Variants in IFT46 observed in about 807,000 individuals in gnomAD.
IFT46 encodes intraflagellar transport protein 46 homolog.
In IFT46, 19 loss-of-function variants were observed where a neutral mutation model predicts 39.6. The observed-to-expected ratio is 0.48, with a 90% CI of 0.33 to 0.70. The LOEUF is 0.70. Among genes scored for constraint, IFT46 ranks in the 30% least tolerant of loss-of-function variants. IFT46 has a pLI of 0.01. For synonymous variants in IFT46, 117 were observed against 134.8 expected (o/e 0.87, Z 0.91); for missense variants, 334 against 364.8 (o/e 0.92, Z 0.69).
intron 9 of IFT46, among the ~76,000 whole-genome samples, chr11:118,547,594 T>C (rs1328359962): frequency 6.8e-6 from 1 of 147,006 alleles, no homozygotes. Context: ...AATTTTTTTG[T>C]GTTTTCAATA....
At chr11:118,555,640 G>A (rs1297894125) in intron 4 of IFT46, 2 of 245,862 alleles carry the variant, frequency 8.1e-6, no homozygotes, top group African/African-American at 4.6e-5. Context: ...GAGATTTTAG[G>A]GCTGGGCGTG....
intron 2 of IFT46, among the ~76,000 whole-genome samples, chr11:118,563,130 A>G (rs1938118397): frequency 6.6e-6 from 1 of 152,196 alleles, no homozygotes; most frequent in South Asian, 2.1e-4. Context: ...GAAAGTCTAC[A>G]TTCAACAACA....
chr11:118,576,447 AAAC>A (rs1194586273), upstream of IFT46, among the ~76,000 whole-genome samples: 13 of 148,598 alleles, frequency 8.7e-5, no homozygotes, highest in African/African-American at 3.2e-4. Context: ...AAAAAAAAAA[AAAC>A]CAAAAACTTT....
upstream of IFT46, among the ~76,000 whole-genome samples, chr11:118,575,411 G>GGTGTGTGTGTGTGTGTGTGTGTGTGT (rs56934953): frequency 6.7e-6 from 1 of 149,084 alleles, no homozygotes; most frequent in African/African-American, 2.5e-5. Context: ...ACTGATAACG[G>GGTGTGTGTGTGTGTGTGTGTGTGTGT]GTGTGTGTGT....
intron 3 of IFT46, among the ~76,000 whole-genome samples, chr11:118,558,665 C>T (rs1555070011): frequency 1.3e-5 from 2 of 151,914 alleles, no homozygotes; most frequent in African/African-American, 2.4e-5. Context: ...CCTGTAATCC[C>T]AGCACTTTGG....
At chr11:118,568,570 A>T (rs563238350), upstream of IFT46, among the ~76,000 whole-genome samples, 8 of 152,138 alleles carry the variant, frequency 5.3e-5, no homozygotes, top group South Asian at 2.1e-4. Flanking sequence ...AATAAATAAT[A>T]AATAAATAAA....
intron 7 of IFT46, among the ~76,000 whole-genome samples, chr11:118,553,834 AG>A (rs1307788620): frequency 6.6e-6 from 1 of 152,170 alleles, no homozygotes; most frequent in African/African-American, 2.4e-5. Context: ...AGGGTCTAGG[AG>A]GAAGTGGGAG....
At chr11:118,569,285 A>C (rs575101653), upstream of IFT46, among the ~76,000 whole-genome samples, 213 of 151,972 alleles carry the variant, frequency 1.4e-3, 2 homozygotes, top group African/African-American at 4.9e-3. Flanking sequence ...TTCTCAAAAA[A>C]AAAAAATTTT....
intron 3 of IFT46, among the ~76,000 whole-genome samples, chr11:118,558,830 A>T (rs1490733548): frequency 1.3e-5 from 2 of 151,374 alleles, no homozygotes; most frequent in Non-Finnish European, 2.9e-5. Flanking sequence ...AGGCATGAGA[A>T]TTGCTTGAAC....
intron 3 of IFT46, among the ~76,000 whole-genome samples, chr11:118,558,667 G>A (rs1240790814): frequency 6.6e-6 from 1 of 151,842 alleles, no homozygotes; most frequent in African/African-American, 2.4e-5. Context: ...TGTAATCCCA[G>A]CACTTTGGAA....
intron 1 of IFT46, among the ~76,000 whole-genome samples, chr11:118,571,763 G>A (rs1386427542): frequency 4.6e-5 from 7 of 152,094 alleles, no homozygotes; most frequent in East Asian, 1.9e-4. Context: ...TTTTAGACAG[G>A]AATACTGTAT....
chr11:118,558,310 T>C (rs1366653567), intron 3 of IFT46, among the ~76,000 whole-genome samples: 2 of 152,172 alleles, frequency 1.3e-5, no homozygotes, highest in Non-Finnish European at 2.9e-5. Context: ...TTTAAGAATA[T>C]TGTCAGCCCG....
intron 2 of IFT46, among the ~76,000 whole-genome samples, chr11:118,562,403 G>A (rs995150886): frequency 7.2e-5 from 11 of 152,176 alleles, no homozygotes; most frequent in Admixed American, 4.6e-4. Flanking sequence ...TCATGCTACC[G>A]CACTCCAGCC....
chr11:118,555,378 G>A (rs573166702), intron 4 of IFT46, 56 bp from the exon 5 acceptor site: 1 of 1,313,568 alleles, frequency 7.6e-7, no homozygotes, highest in Admixed American at 1.7e-5. Context: ...GAGGTGGCAG[G>A]GTCCTAGGTG....
intron 4 of IFT46, 32 bp downstream of exon 4, chr11:118,556,874 G>GAGC: frequency 6.6e-7 from 1 of 1,507,956 alleles, no homozygotes. Flanking sequence ...GTATTCTGAA[G>GAGC]AGCACCCTTG....
intron 5 of IFT46, 50 bp downstream of exon 5, chr11:118,555,198 T>C: frequency 6.4e-7 from 1 of 1,569,724 alleles, no homozygotes; most frequent in Non-Finnish European, 8.8e-7. Flanking sequence ...TAGGAAAGGT[T>C]TGGGGCAAGG....
Position 118,554,473 on chromosome 11 carries a change from G to T in IFT46, c.469C>A (p.Gln157Lys). The T allele has an allele frequency of 6.2e-7, 1 of 1,611,126 alleles. No homozygotes were observed. The highest frequency in any genetic ancestry group is 8.5e-7 in the Non-Finnish European group (1 of 1,178,944). ...TAGTATCTTACTGTGATGTTGTGCT[G>T]CTTAGAATTCTCTGTTAACCAGAGT... is the stretch of plus-strand genomic sequence containing the variant. ...LSLWLTENSK[Q>K]HNITQHMKVK... The change falls in exon 7 of 12, where the codon CAG (glutamine) becomes AAG (lysine). Residue 157 changes from glutamine to lysine, a missense_variant. Gln to Lys is a moderately conservative substitution (Grantham distance 53). Transcript: ENST00000264021.
intron 2 of IFT46, chr11:118,560,620 T>G: frequency 2.5e-6 from 1 of 405,652 alleles, no homozygotes. Flanking sequence ...GATTTTGCCT[T>G]TTCACCCCCT....
intron 9 of IFT46, chr11:118,546,254 G>A: frequency 1.4e-6 from 1 of 693,986 alleles, no homozygotes; most frequent in South Asian, 1.6e-5. Context: ...TACCAGCACT[G>A]TGGGAGGTTG....
Sources: gnomAD v4.1 joint callset for allele counts (sites outside exome capture counted in the v4.1 genomes callset) on GRCh38, gnomAD v4.1.1 for gene constraint, MANE v1.5 for transcripts, NCBI Gene and HGNC (gene_info 2026-07-23, HGNC 2026-07-21) for gene names.